The following RNF125 variants were observed in gnomAD, a reference collection of about 807,000 sequenced individuals.
RNF125 encodes the protein E3 ubiquitin-protein ligase RNF125.
In RNF125, 21 loss-of-function variants were observed where a neutral mutation model predicts 26.0. The observed-to-expected ratio is 0.81, with a 90% CI of 0.57 to 1.16. The LOEUF (loss-of-function observed/expected upper bound fraction) is 1.16, where lower values mean the gene tolerates loss of function less well. RNF125 is among the 50% of genes most tolerant of loss of function. The pLI, the probability that RNF125 is intolerant of heterozygous loss-of-function variation, is 0.00. For synonymous variants in RNF125, 95 were observed against 109.2 expected, an observed-to-expected ratio of 0.87 and a Z score of 0.81; for missense variants, 270 against 299.4, an observed-to-expected ratio of 0.90 and a Z score of 0.72.
chr18:32,034,445 CCTTTA>C (rs1392059731), intron 1 of RNF125, among the ~76,000 whole-genome samples: 1 of 152,108 alleles, frequency 6.6e-6, no homozygotes, highest in Non-Finnish European at 1.5e-5. Flanking sequence ...TCACACTGTT[CCTTTA>C]CGTGATCTTG....
chr18:32,032,750 T>G (rs1362198339), intron 1 of RNF125, among the ~76,000 whole-genome samples: 1 of 151,970 alleles, frequency 6.6e-6, no homozygotes, highest in African/African-American at 2.4e-5. Context: ...TCCCAACTAC[T>G]TGGGAGGCTG....
chr18:32,083,634 AG>A, the RNF125 span, among the ~76,000 whole-genome samples: 2 of 152,194 alleles, frequency 1.3e-5, no homozygotes, highest in African/African-American at 2.4e-5. Flanking sequence ...GGAGTAGGTC[AG>A]GTGCGGTGGC....
At chr18:32,022,169 C>T (rs2038992377) in intron 1 of RNF125, among the ~76,000 whole-genome samples, 1 of 152,238 alleles carries the variant, frequency 6.6e-6, no homozygotes, top group Non-Finnish European at 1.5e-5. Context: ...ATTGAAGCTA[C>T]ATTTTCAGAC....
intron 4 of RNF125, among the ~76,000 whole-genome samples, chr18:32,051,755 C>T (rs1489744042): frequency 7.3e-6 from 1 of 136,342 alleles, no homozygotes. Context: ...AGTGTAGTGG[C>T]GTGATCTCAC....
chr18:32,052,890 A>G (rs1352744960), intron 4 of RNF125, among the ~76,000 whole-genome samples: 1 of 152,230 alleles, frequency 6.6e-6, no homozygotes, highest in East Asian at 1.9e-4. Context: ...GATTGCATAC[A>G]TAGTACTTGG....
At chr18:32,086,525 A>AT in the RNF125 span, among the ~76,000 whole-genome samples, 751 of 143,322 alleles carry the variant, frequency 5.2e-3, 4 homozygotes, top group African/African-American at 0.017. Context: ...CTAATTTCTA[A>AT]TTTTTTTTTT....
chr18:32,019,118 A>G (rs1194244544), intron 1 of RNF125, 91 bp downstream of exon 1: 2 of 1,467,882 alleles, frequency 1.4e-6, no homozygotes, highest in Non-Finnish European at 1.9e-6. Context: ...AGGGGGACGG[A>G]AGACAGCCTC....
chr18:32,086,597 C>T, the RNF125 span, among the ~76,000 whole-genome samples: 1 of 151,568 alleles, frequency 6.6e-6, no homozygotes, highest in Admixed American at 6.6e-5. Context: ...CTCAGCGCAT[C>T]GCAACCTCTG....
At position 32,023,176 on chromosome 18, in the gene RNF125, G is replaced by A. The variant is rs148802782; in HGVS notation, c.164+4149G>A. Among the ~76,000 whole-genome samples, 621 of 151,988 alleles carry A rather than the reference G, an allele frequency of 4.1e-3. 7 individuals are homozygous for A. The highest frequency in any genetic ancestry group is 0.015 in the African/African-American group (604 of 41,454). ...TTCACTTATTTGTTTATTTTGAGATGGAGTCTCACTCTGTCACCTAGGCTG... is the reference window on the plus strand; with the variant it reads ...TTCACTTATTTGTTTATTTTGAGATAGAGTCTCACTCTGTCACCTAGGCTG... On this transcript the variant is annotated intron_variant, in intron 1 of 5. Transcript: ENST00000217740.
At chr18:32,085,834 CAGTTTATA>C in the RNF125 span, among the ~76,000 whole-genome samples, 3,225 of 150,420 alleles carry the variant, frequency 0.021, 107 homozygotes, top group African/African-American at 0.074. Flanking sequence ...AACTGGGAAA[CAGTTTATA>C]AGAGTCAGCT....
intron 4 of RNF125, among the ~76,000 whole-genome samples, chr18:32,046,044 C>T (rs1292392553): frequency 2.0e-5 from 3 of 151,722 alleles, no homozygotes; most frequent in Non-Finnish European, 4.4e-5. Context: ...TGGTGAAACC[C>T]CATCTCTACT....
rs2039516534 is a variant in RNF125, at chr18:32,069,758, T to C, written c.*1374T>C. 6.6e-6 allele frequency: 1 copy of C among 152,200 alleles called. No individual in the cohort carries two copies. Among genetic ancestry groups the C allele is most frequent in the African/African-American group, 2.4e-5 (1 of 41,450 alleles). The allele number at this position is 152,200 out of a possible 1,614,324, so 9.4% of individuals were successfully genotyped here. On this transcript the variant is annotated 3_prime_UTR_variant, in exon 6 of 6. Coordinates refer to ENST00000217740, the MANE Select transcript of RNF125 (RefSeq NM_017831.4). ...TATTAAATGTATATTTTATTTTACA[T>C]CTCTTTTTTAATCTAGAAGTTCCTC...
At chr18:32,061,126 G>T (rs984915797) in intron 4 of RNF125, among the ~76,000 whole-genome samples, 1 of 152,112 alleles carries the variant, frequency 6.6e-6, no homozygotes, top group Non-Finnish European at 1.5e-5. Flanking sequence ...CTGGGTTCAC[G>T]CCATTCTCCT....
chr18:32,068,353 T>C lies in RNF125; in HGVS notation c.668T>C (p.Leu223Pro). 3 of 1,598,984 alleles carry C rather than the reference T, an allele frequency of 1.9e-6. No individual in the cohort carries two copies. The highest frequency in any genetic ancestry group is 2.6e-6 in the Non-Finnish European group (3 of 1,166,386). The change falls in exon 6 of 6, where the codon CTT (leucine) becomes CCT (proline). Residue 223 changes from leucine (L) to proline (P), a missense_variant. Leu to Pro is a moderately conservative substitution (Grantham distance 98). Coordinates refer to ENST00000217740, the MANE Select transcript of RNF125 (RefSeq NM_017831.4). ...CGAAGAGTCTTAGACCGGTCACTTC[T>C]TGAATATGTGAATCACTCGAACACC... ...LIRRVLDRSL[L>P]EYVNHSNTT
chr18:32,076,168 G>T (rs1362546441), downstream of RNF125: 1 of 543,048 alleles, frequency 1.8e-6, no homozygotes. Context: ...TTAGAAACCG[G>T]ATGATGACTT....
chr18:32,059,052 G>GA (rs1238098323), intron 4 of RNF125, among the ~76,000 whole-genome samples: 9 of 152,056 alleles, frequency 5.9e-5, no homozygotes, highest in African/African-American at 2.2e-4. Context: ...TCCAAATCTT[G>GA]ACTATTCTGA....
Position 32,059,238 on chromosome 18 carries a change from C to A in RNF125, c.505-6664C>A, listed in dbSNP as rs11873332. Among the ~76,000 whole-genome samples the A allele has an allele frequency of 1.8e-3, 267 of 152,294 alleles. 1 individual carries two copies. Among genetic ancestry groups the A allele is most frequent in the African/African-American group, 6.0e-3 (251 of 41,582 alleles). On this transcript the variant is annotated intron_variant, in intron 4 of 5. Transcript: ENST00000217740. ...GTTGTACTAATTTACATTCCCACCACCCGTGTATGAAGTTTCCCTTTTCTC... is the reference window on the plus strand; with the variant it reads ...GTTGTACTAATTTACATTCCCACCAACCGTGTATGAAGTTTCCCTTTTCTC...
At chr18:32,050,899 T>G (rs113897083) in intron 4 of RNF125, among the ~76,000 whole-genome samples, 5,924 of 95,926 alleles carry the variant, frequency 0.062, 812 homozygotes, top group African/African-American at 0.26. Flanking sequence ...TTTTTTTTTT[T>G]GAAGAGACGG....
the RNF125 span, among the ~76,000 whole-genome samples, chr18:32,087,690 A>AG: frequency 6.6e-6 from 1 of 152,138 alleles, no homozygotes; most frequent in Non-Finnish European, 1.5e-5. Context: ...TTAACATGCT[A>AG]GGTTGACTTC....
Sources: gnomAD v4.1 joint callset for allele counts (sites outside exome capture counted in the v4.1 genomes callset) on GRCh38, gnomAD v4.1.1 for gene constraint, MANE v1.5 for transcripts, NCBI Gene and HGNC (gene_info 2026-07-23, HGNC 2026-07-21) for gene names.